The following EP400 variants were observed in gnomAD, a reference collection of about 807,000 sequenced individuals.
The protein encoded by EP400 is E1A-binding protein p400.
A neutral mutation model predicts 354.1 loss-of-function variants in EP400; 105 were observed. The observed-to-expected ratio is 0.30, with a 90% CI of 0.25 to 0.35. The LOEUF (loss-of-function observed/expected upper bound fraction) is 0.35. Ranked by LOEUF, EP400 falls within the 10% of genes least tolerant of loss-of-function variation. The probability of loss-of-function intolerance (pLI) is 1.00; values close to 1 mark genes in which losing one functional copy is unlikely to be tolerated. For synonymous variants in EP400, 1,646 were observed against 1,716.9 expected (o/e 0.96, Z 1.02); for missense variants, 3,280 against 4,121.0 (o/e 0.80, Z 5.59).
In EP400 at chr12:132,024,754, G is replaced by A. The variant is rs533257845; in HGVS notation, c.4855+813G>A. ...CACCTTCCTCGACAGCAGCCTCAGC[G>A]GCTACCTTCCCTCACCTTCCTCGAC... On this transcript the variant is annotated intron_variant, in intron 24 of 52. Coordinates refer to ENST00000389561, the MANE Select transcript of EP400 (RefSeq NM_015409.5). Among the ~76,000 whole-genome samples the A allele has an allele frequency of 4.6e-4, 66 of 142,442 alleles. 1 individual carries two copies. The highest frequency in any genetic ancestry group is 1.6e-3 in the African/African-American group (61 of 37,390). 93.4% of individuals were successfully genotyped at this position (142,442 alleles called of 152,430 possible).
In EP400 at chr12:132,013,734, C is replaced by T. The variant is rs763641281; in HGVS notation, c.3787-43C>T. On this transcript the variant is annotated intron_variant, in intron 18 of 52. Coordinates refer to ENST00000389561, the MANE Select transcript of EP400 (RefSeq NM_015409.5). The surrounding 1 kb of genome is among the most constrained non-coding windows in gnomAD (Gnocchi z 4.5). ...ATGCCTTGTTATAAACGTGTTACAGCAGCATTTTTGGAAAGAAAACAGTAA... is the reference window on the plus strand; with the variant it reads ...ATGCCTTGTTATAAACGTGTTACAGTAGCATTTTTGGAAAGAAAACAGTAA... 2 of 1,610,472 alleles carry T rather than the reference C, an allele frequency of 1.2e-6. No individual in the cohort carries two copies. The highest frequency in any genetic ancestry group is 1.7e-6 in the Non-Finnish European group (2 of 1,178,244).
chr12:132,007,687 T>TATA (rs1429768276), intron 15 of EP400, among the ~76,000 whole-genome samples: 1 of 152,238 alleles, frequency 6.6e-6, no homozygotes, highest in Admixed American at 6.5e-5. Context: ...TGGTTCCCAC[T>TATA]ATATGTTCCA....
chr12:132,001,012 T>C (rs1307293668), intron 12 of EP400, among the ~76,000 whole-genome samples: 1 of 152,240 alleles, frequency 6.6e-6, no homozygotes. Context: ...GGTACATTGT[T>C]TCCTAGCGTA....
rs1389608357 is a variant in EP400, at chr12:132,035,730, G to A, written c.5952-1952G>A. On this transcript the variant is annotated intron_variant, in intron 30 of 52. Coordinates refer to ENST00000389561, the MANE Select transcript of EP400 (RefSeq NM_015409.5). ...GGTTCACATGGAACGCTGTGGAAGC[G>A]CACACCCAGGTTCACATGGAACGTC... Among the ~76,000 whole-genome samples, 11 of 139,302 alleles carry A rather than the reference G, an allele frequency of 7.9e-5. No homozygotes were observed. In the South Asian group the frequency reaches 9.3e-4, roughly 12 times the overall value. 91.4% of individuals were successfully genotyped at this position (139,302 alleles called of 152,430 possible).
At chr12:132,011,269 G>C (rs188506911) in intron 15 of EP400, among the ~76,000 whole-genome samples, 1 of 152,244 alleles carries the variant, frequency 6.6e-6, no homozygotes, top group Admixed American at 6.5e-5. Flanking sequence ...GCCTCCTCTG[G>C]TGCAGGCTTG....
Position 131,979,724 on chromosome 12 carries a change from G to A in EP400, c.1366G>A (p.Gly456Arg). 6.2e-7 allele frequency: 1 copy of A among 1,609,148 alleles called. No homozygotes were observed. The highest frequency in any genetic ancestry group is 1.1e-5 in the South Asian group (1 of 90,524). ...QQALAGSLVA[G>R]AGSTVETDLF... The stretch of plus-strand genomic sequence containing the variant: ...AGCCCTCGCAGGGAGCCTGGTAGCA[G>A]GGGCCGGAAGCACAGTAGAGACGGA... The change falls in exon 3 of 53, where the codon GGG becomes AGG. Residue 456 changes from glycine to arginine, a missense_variant. Gly to Arg is a moderately radical substitution (Grantham distance 125, BLOSUM62 -2). Transcript: ENST00000389561.
At chr12:131,953,989 T>C (rs1299770695) in intron 1 of EP400, among the ~76,000 whole-genome samples, 1 of 152,134 alleles carries the variant, frequency 6.6e-6, no homozygotes, top group Non-Finnish European at 1.5e-5. Flanking sequence ...GGCTCACACC[T>C]GTAGTCCCAG....
chr12:131,953,349 G>A (rs775154409), intron 1 of EP400, among the ~76,000 whole-genome samples: 25 of 152,286 alleles, frequency 1.6e-4, no homozygotes, highest in Middle Eastern at 3.4e-3. Context: ...AGTTTTTCTT[G>A]AACTTCTCTC....
intron 32 of EP400, among the ~76,000 whole-genome samples, chr12:132,040,828 G>A (rs1449104520): frequency 6.6e-6 from 1 of 152,182 alleles, no homozygotes; most frequent in East Asian, 1.9e-4. Flanking sequence ...CCCTTGGAAG[G>A]GTTTGAGTCA....
intron 1 of EP400, among the ~76,000 whole-genome samples, chr12:131,951,009 C>T (rs1318471174): frequency 7.9e-5 from 12 of 152,074 alleles, no homozygotes; most frequent in Non-Finnish European, 5.9e-5. Context: ...AAGCGATTCT[C>T]CTGCCTCAGC....
chr12:132,028,333 G>A, intron 27 of EP400, 45 bp downstream of exon 27: 1 of 1,595,326 alleles, frequency 6.3e-7, no homozygotes, highest in Non-Finnish European at 8.6e-7. Flanking sequence ...TGGCTGCATT[G>A]CACCCCGGCA....
chr12:132,056,205 C>T (rs914001007), intron 45 of EP400, among the ~76,000 whole-genome samples: 2 of 152,112 alleles, frequency 1.3e-5, no homozygotes, highest in African/African-American at 4.8e-5. Context: ...AAATAGTTCA[C>T]AGACCCAGGG....
intron 1 of EP400, among the ~76,000 whole-genome samples, chr12:131,953,159 A>T (rs1566156732): frequency 6.6e-6 from 1 of 152,202 alleles, no homozygotes; most frequent in Non-Finnish European, 1.5e-5. Flanking sequence ...ACAGATGTAC[A>T]GTGTGGTATA....
At chr12:132,005,814 C>G (rs1003924137) in intron 13 of EP400, among the ~76,000 whole-genome samples, 1 of 152,118 alleles carries the variant, frequency 6.6e-6, no homozygotes, top group Non-Finnish European at 1.5e-5. Context: ...ATGTATCTCT[C>G]TGTGATACCA....
Position 132,025,410 on chromosome 12 carries a change from G to C in EP400, c.4856-236G>C, listed in dbSNP as rs962620289. Among the ~76,000 whole-genome samples the C allele has an allele frequency of 7.9e-5, 12 of 152,180 alleles. No individual in the cohort carries two copies. The highest frequency in any genetic ancestry group is 2.9e-4 in the African/African-American group (12 of 41,446). On this transcript the variant is annotated intron_variant, in intron 24 of 52. Coordinates refer to ENST00000389561, the MANE Select transcript of EP400 (RefSeq NM_015409.5). The surrounding 1 kb of genome is among the most constrained non-coding windows in gnomAD (Gnocchi z 4.1). The stretch of plus-strand genomic sequence containing the variant: ...CACCCACCTTCCATGAGGGACAGAG[G>C]GTAGATGGCCTTTTCTTGACATGGA...
chr12:132,045,248 C>A, intron 37 of EP400, 71 bp from the exon 38 acceptor site: 1 of 1,580,124 alleles, frequency 6.3e-7, no homozygotes, highest in South Asian at 1.2e-5. Flanking sequence ...TGACCTGTTT[C>A]CTTTGTCTTT....
Position 132,018,318 on chromosome 12 carries a change from A to G in EP400, c.4219A>G (p.Ile1407Val), listed in dbSNP as rs1186178144. ...KKIPRKLMEEISTSAAPAARP... is the reference protein window; with the variant it reads ...KKIPRKLMEEVSTSAAPAARP... ...GATACCGCGGAAACTCATGGAGGAA[A>G]TCTCCACTTCAGCAGCCCCAGCAGC... Residue 1407 changes from isoleucine (I) to valine (V), a missense_variant, in exon 21 of 53, where the codon ATC (isoleucine) becomes GTC (valine). By Grantham distance (29) the Ile-to-Val change is conservative. Coordinates refer to ENST00000389561, the MANE Select transcript of EP400 (RefSeq NM_015409.5). This position sits in a 1 kb window ranked among gnomAD's most constrained non-coding sequence, Gnocchi z 4.0. The G allele has an allele frequency of 1.9e-6, 3 of 1,613,338 alleles. No homozygotes were observed. Among genetic ancestry groups the G allele is most frequent in the Admixed American group, 1.7e-5 (1 of 59,706 alleles).
intron 12 of EP400, among the ~76,000 whole-genome samples, chr12:132,002,163 C>T (rs1893437843): frequency 6.6e-6 from 1 of 152,078 alleles, no homozygotes; most frequent in Non-Finnish European, 1.5e-5. Context: ...TCTTCTCTGC[C>T]CTACAGTTTA....
chr12:132,001,994 C>G (rs570629187), intron 12 of EP400, among the ~76,000 whole-genome samples: 1 of 152,170 alleles, frequency 6.6e-6, no homozygotes, highest in Admixed American at 6.5e-5. Context: ...CGGTCTCTTG[C>G]CTCGGCACCT....
Sources: gnomAD v4.1 joint callset for allele counts (sites outside exome capture counted in the v4.1 genomes callset) on GRCh38, gnomAD v4.1.1 for gene constraint, Gnocchi (gnomAD v3.1) non-coding constraint, MANE v1.5 for transcripts, NCBI Gene and HGNC (gene_info 2026-07-23, HGNC 2026-07-21) for gene names.